The following LTBP1 variants were observed in gnomAD, a reference collection of about 807,000 sequenced individuals.
LTBP1 encodes the protein latent transforming growth factor beta binding protein 1.
In LTBP1, 129 loss-of-function variants were observed where a neutral mutation model predicts 207.6. The ratio of observed to expected loss-of-function variants is 0.62; its 90% confidence interval spans 0.54 to 0.72. The LOEUF (loss-of-function observed/expected upper bound fraction) is 0.72, where lower values mean the gene tolerates loss of function less well. LTBP1 is among the 30% of genes least tolerant of loss of function. The pLI, the probability that LTBP1 is intolerant of heterozygous loss-of-function variation, is 0.00. For missense variants in LTBP1, 2,281 were observed against 2,217.2 expected (o/e 1.03, Z -0.58); for synonymous variants, 963 against 833.7 (o/e 1.16, Z -2.67).
chr2:33,151,821 TTTTGTGTGTGTGTGTGTG>T (rs1178519200), intron 5 of LTBP1, among the ~76,000 whole-genome samples: 1,871 of 140,826 alleles, frequency 0.013, 18 homozygotes, highest in Non-Finnish European at 0.021. Context: ...TAGTATTCCA[TTTTGTGTGTGTGTGTGTG>T]TGTGTGTGTG....
chr2:33,303,993 G>C (rs2094042206), intron 22 of LTBP1, among the ~76,000 whole-genome samples: 1 of 152,212 alleles, frequency 6.6e-6, no homozygotes. Context: ...GTTCATTGGA[G>C]GGCATGTTCC....
chr2:32,947,359 T>G lies in LTBP1; in HGVS notation c.35T>G (p.Leu12Arg). 7.7e-7 allele frequency: 1 copy of G among 1,304,194 alleles called. No homozygotes were observed. The highest frequency in any genetic ancestry group is 9.7e-7 in the Non-Finnish European group (1 of 1,028,606). 80.8% of individuals were successfully genotyped at this position (1,304,194 alleles called of 1,614,324 possible). A position where few individuals can be genotyped will look rare whatever the true frequency, so the allele number is the denominator to read the frequency against. Residue 12 changes from leucine (L) to arginine (R), a missense_variant, in exon 1 of 34, where the codon CTC becomes CGC. By Grantham distance (102) the Leu-to-Arg change is moderately radical (BLOSUM62 -2). Coordinates refer to ENST00000404816, the MANE Select transcript of LTBP1 (RefSeq NM_206943.4). ...AGAWLRWGLLLWAGLLASSAH... is the reference protein window; with the variant it reads ...AGAWLRWGLLRWAGLLASSAH... ...GCCTGGCTCAGGTGGGGGCTCCTGC[T>G]CTGGGCAGGGCTCCTCGCGTCCTCG...
chr2:33,387,662 C>T (rs1198089046), intron 31 of LTBP1, among the ~76,000 whole-genome samples: 2 of 152,110 alleles, frequency 1.3e-5, no homozygotes, highest in African/African-American at 4.8e-5. Flanking sequence ...GATTCGTCAC[C>T]CTCATTCCTC....
intron 2 of LTBP1, among the ~76,000 whole-genome samples, chr2:33,010,509 G>C (rs1294727454): frequency 6.6e-6 from 1 of 152,110 alleles, no homozygotes; most frequent in East Asian, 1.9e-4. Context: ...AAAATAGCTA[G>C]GAGAGAGGAC....
chr2:33,259,001 A>T (rs1245196830), intron 12 of LTBP1, among the ~76,000 whole-genome samples: 2 of 152,220 alleles, frequency 1.3e-5, no homozygotes, highest in Non-Finnish European at 2.9e-5. Flanking sequence ...CAGTATATTG[A>T]TGCTAATCTC....
intron 5 of LTBP1, among the ~76,000 whole-genome samples, chr2:33,175,138 A>G (rs1288881053): frequency 6.6e-6 from 1 of 151,706 alleles, no homozygotes; most frequent in Non-Finnish European, 1.5e-5. Context: ...AATGGCAACA[A>G]AAGCCAGAAT....
At chr2:33,129,646 T>G (rs952359741) in intron 4 of LTBP1, among the ~76,000 whole-genome samples, 1 of 152,246 alleles carries the variant, frequency 6.6e-6, no homozygotes, top group African/African-American at 2.4e-5. Context: ...AAAAATGGTT[T>G]TACTTTTAAA....
chr2:33,337,116 T>G (rs1448026910), intron 24 of LTBP1, among the ~76,000 whole-genome samples: 2 of 152,244 alleles, frequency 1.3e-5, no homozygotes, highest in Non-Finnish European at 2.9e-5. Flanking sequence ...CATAGTTCAC[T>G]TTACATAAAT....
chr2:33,078,863 T>TTTTC (rs1491502487), intron 3 of LTBP1, among the ~76,000 whole-genome samples: 20 of 85,466 alleles, frequency 2.3e-4, no homozygotes, highest in Non-Finnish European at 3.7e-4. Context: ...TTTTCTTTTC[T>TTTTC]TTTTTTTTTT....
At chr2:33,212,881 C>T (rs1047161135) in intron 7 of LTBP1, among the ~76,000 whole-genome samples, 2 of 152,182 alleles carry the variant, frequency 1.3e-5, no homozygotes, top group Non-Finnish European at 2.9e-5. Flanking sequence ...TTCAAATATT[C>T]TAAAATCTGA....
At chr2:33,262,691 T>C in intron 13 of LTBP1, 31 bp from the exon 14 acceptor site, 2 of 1,147,132 alleles carry the variant, frequency 1.7e-6, no homozygotes, top group Non-Finnish European at 2.5e-6. Flanking sequence ...CTTTTTTTTT[T>C]CTTATTCTCT....
chr2:33,115,037 TACACACACACACACACACACAC>T (rs60544598), intron 4 of LTBP1, among the ~76,000 whole-genome samples: 1 of 145,150 alleles, frequency 6.9e-6, no homozygotes, highest in Non-Finnish European at 1.5e-5. Flanking sequence ...AACAGATATA[TACACACACACACACACACACAC>T]ACACACACAC....
At position 32,995,631 on chromosome 2, in the gene LTBP1, C is replaced by CA. The variant is rs1296764337; in HGVS notation, c.566-25270dup. ...CCCATCTCTACTAAAAATACAAAAA[C>CA]AAAAAAAATTAGCCGGGCGTGGTGG... On this transcript the variant is annotated intron_variant, in intron 2 of 33. Transcript: ENST00000404816. Among the ~76,000 whole-genome samples the CA allele has an allele frequency of 1.1e-4, 17 of 151,588 alleles. No homozygotes were observed. The East Asian group carries it at 3.3e-3, about 29-fold the overall frequency.
chr2:33,149,887 A>G (rs1377655401), intron 5 of LTBP1, among the ~76,000 whole-genome samples: 1 of 152,234 alleles, frequency 6.6e-6, no homozygotes, highest in Non-Finnish European at 1.5e-5. Context: ...CGATAGCATC[A>G]TCACACTTTC....
chr2:33,109,775 A>G (rs916876113), intron 3 of LTBP1, among the ~76,000 whole-genome samples: 1 of 152,236 alleles, frequency 6.6e-6, no homozygotes, highest in East Asian at 1.9e-4. Flanking sequence ...AATTAACATT[A>G]TTATGTTTTT....
chr2:33,186,224 G>T (rs551590622), intron 5 of LTBP1, among the ~76,000 whole-genome samples: 1 of 152,136 alleles, frequency 6.6e-6, no homozygotes, highest in East Asian at 1.9e-4. Context: ...TTTTATTACT[G>T]ATTTGTTTCT....
intron 31 of LTBP1, among the ~76,000 whole-genome samples, chr2:33,380,217 A>G (rs2095196095): frequency 6.6e-6 from 1 of 152,160 alleles, no homozygotes; most frequent in Non-Finnish European, 1.5e-5. Flanking sequence ...TGATTACCTT[A>G]TATTACAGCC....
Position 33,160,074 on chromosome 2 carries a change from T to C in LTBP1, c.1201+25114T>C, listed in dbSNP as rs534938474. 7.2e-5 allele frequency among the ~76,000 whole-genome samples: 11 copies of C among 152,226 alleles called. No homozygotes were observed. In the South Asian group the frequency reaches 1.5e-3, roughly 20 times the overall value. On this transcript the variant is annotated intron_variant, in intron 5 of 33. Coordinates refer to ENST00000404816, the MANE Select transcript of LTBP1 (RefSeq NM_206943.4). Reference sequence around the variant, plus strand: ...CTGTATTTTTGGTAGAGATGGGGTTTCACCGAGTTGGCCAGGCTGGTCTTG... The same window carrying C: ...CTGTATTTTTGGTAGAGATGGGGTTCCACCGAGTTGGCCAGGCTGGTCTTG...
intron 5 of LTBP1, among the ~76,000 whole-genome samples, chr2:33,161,231 T>C (rs996024527): frequency 1.3e-5 from 2 of 151,330 alleles, no homozygotes; most frequent in Admixed American, 1.3e-4. Context: ...TTCCCTTACG[T>C]AGAGGTTAAA....
Sources: gnomAD v4.1 joint callset for allele counts (sites outside exome capture counted in the v4.1 genomes callset) on GRCh38, gnomAD v4.1.1 for gene constraint, MANE v1.5 for transcripts, NCBI Gene and HGNC (gene_info 2026-07-23, HGNC 2026-07-21) for gene names.